Variants in PARM1 observed in about 807,000 individuals in gnomAD.
PARM1 encodes prostate androgen-regulated mucin-like protein 1.
Under a neutral mutation model 24.6 loss-of-function variants are expected in PARM1, and 14 were observed. That is an observed-to-expected ratio of 0.57 (90% CI 0.38 to 0.89). The LOEUF (loss-of-function observed/expected upper bound fraction) is 0.89, where lower values mean the gene tolerates loss of function less well. Among genes scored for constraint, PARM1 ranks in the 40% least tolerant of loss-of-function variants. PARM1 has a pLI of 0.00. For missense variants in PARM1, 362 were observed against 380.4 expected (o/e 0.95, Z 0.40); for synonymous variants, 179 against 156.6 (o/e 1.14, Z -1.07).
chr4:74,942,256 CAT>C, intron 1 of PARM1, among the ~76,000 whole-genome samples: 1 of 152,302 alleles, frequency 6.6e-6, no homozygotes, highest in East Asian at 1.9e-4. Flanking sequence ...GAGCAAGAAA[CAT>C]AGTGTGTGCT....
chr4:74,979,308 A>C (rs1722201378), intron 1 of PARM1, among the ~76,000 whole-genome samples: 1 of 151,916 alleles, frequency 6.6e-6, no homozygotes, highest in African/African-American at 2.4e-5. Context: ...ACAGAAATAC[A>C]ACCATCAGAG....
chr4:75,009,388 C>G (rs1280420659), intron 1 of PARM1, among the ~76,000 whole-genome samples: 1 of 152,232 alleles, frequency 6.6e-6, no homozygotes, highest in Non-Finnish European at 1.5e-5. Context: ...GGTCTTTTCT[C>G]CCTTCCTCTG....
chr4:75,013,282 A>C, intron 2 of PARM1, 132 bp downstream of exon 2: 1 of 984,548 alleles, frequency 1.0e-6, no homozygotes, highest in Non-Finnish European at 1.5e-6. Flanking sequence ...ATTCACAAGA[A>C]TTTCCACGAG....
rs150839589 is a variant in PARM1, at chr4:75,034,022, G to A, written c.848+61G>A. 1.4e-3 allele frequency: 1,804 copies of A among 1,293,022 alleles called. 17 individuals are homozygous for A. The African/African-American group carries it at 0.024, about 17-fold the overall frequency. 80.1% of individuals were successfully genotyped at this position (1,293,022 alleles called of 1,614,324 possible). On this transcript the variant is annotated intron_variant, in intron 3 of 3. Transcript: ENST00000307428. Reference sequence around the variant, plus strand: ...TGTTTTGTTGGGCTCTGGGCTGAGCGCTGTTTTGCTGGATACTTGTTCCTT... The same window carrying A: ...TGTTTTGTTGGGCTCTGGGCTGAGCACTGTTTTGCTGGATACTTGTTCCTT...
At position 75,001,698 on chromosome 4, in the gene PARM1, G is replaced by A. The variant is rs140954932; in HGVS notation, c.44-10727G>A. 3.3e-3 allele frequency among the ~76,000 whole-genome samples: 508 copies of A among 152,264 alleles called. 6 individuals are homozygous for A. The highest frequency in any genetic ancestry group is 0.011 in the African/African-American group (473 of 41,542). ...CCATTCATGCTGACTGGCATCTTCGGTGAAAACCCTTAGAAGAAAATGGTG... is the reference window on the plus strand; with the variant it reads ...CCATTCATGCTGACTGGCATCTTCGATGAAAACCCTTAGAAGAAAATGGTG... On this transcript the variant is annotated intron_variant, in intron 1 of 3. Transcript: ENST00000307428.
At chr4:75,009,650 A>G (rs1259606776) in intron 1 of PARM1, among the ~76,000 whole-genome samples, 3 of 152,220 alleles carry the variant, frequency 2.0e-5, no homozygotes, top group Admixed American at 2.0e-4. Context: ...ATGTGGCCAT[A>G]ACTAAAGTGA....
At chr4:74,940,625 C>G (rs1296612555) in intron 1 of PARM1, among the ~76,000 whole-genome samples, 1 of 152,140 alleles carries the variant, frequency 6.6e-6, no homozygotes, top group Non-Finnish European at 1.5e-5. Flanking sequence ...GAATTTTTTT[C>G]AGAATGCAAA....
intron 1 of PARM1, among the ~76,000 whole-genome samples, chr4:74,951,006 A>G (rs1721511907): frequency 1.3e-5 from 2 of 152,218 alleles, no homozygotes; most frequent in Non-Finnish European, 2.9e-5. Context: ...TTTCCAAACC[A>G]TCTGACTCTT....
intron 2 of PARM1, among the ~76,000 whole-genome samples, chr4:75,020,160 G>A (rs571630895): frequency 3.3e-5 from 5 of 152,154 alleles, no homozygotes; most frequent in African/African-American, 9.6e-5. Context: ...ACATAGGTGT[G>A]AGAAGACCAT....
intron 2 of PARM1, among the ~76,000 whole-genome samples, chr4:75,015,571 G>C (rs979489424): frequency 1.4e-4 from 21 of 152,174 alleles, no homozygotes; most frequent in South Asian, 8.3e-4. Context: ...CCTATCCTTT[G>C]AGATTTTATA....
rs940681553 is a variant in PARM1, at chr4:75,035,239, G to A, written c.848+1278G>A. Among the ~76,000 whole-genome samples the A allele has an allele frequency of 1.3e-5, 2 of 152,016 alleles. 1 individual carries two copies. The highest frequency in any genetic ancestry group is 4.8e-5 in the African/African-American group (2 of 41,374). On this transcript the variant is annotated intron_variant, in intron 3 of 3. Transcript: ENST00000307428. ...CCACTGTCTATTATTTTATTTTATT[G>A]CTATCATTTTGTTTTTGTATATGTG...
At chr4:74,962,540 C>T (rs1721798180) in intron 1 of PARM1, among the ~76,000 whole-genome samples, 1 of 152,100 alleles carries the variant, frequency 6.6e-6, no homozygotes, top group African/African-American at 2.4e-5. Flanking sequence ...TGTGATCCAC[C>T]TATATACTAT....
intron 2 of PARM1, among the ~76,000 whole-genome samples, chr4:75,022,410 CT>C (rs1207234095): frequency 6.6e-6 from 1 of 152,126 alleles, no homozygotes; most frequent in African/African-American, 2.4e-5. Flanking sequence ...TCTTAATCTG[CT>C]TTTGAAATGT....
At chr4:74,997,237 T>G (rs1722591162) in intron 1 of PARM1, among the ~76,000 whole-genome samples, 1 of 152,168 alleles carries the variant, frequency 6.6e-6, no homozygotes, top group African/African-American at 2.4e-5. Context: ...CCAAGGGACA[T>G]GTTGGCATCT....
intron 2 of PARM1, among the ~76,000 whole-genome samples, chr4:75,016,650 C>T (rs1417309918): frequency 6.6e-6 from 1 of 152,112 alleles, no homozygotes; most frequent in East Asian, 1.9e-4. Context: ...CTGCCCTCAT[C>T]GTTAAAGCAC....
intron 1 of PARM1, among the ~76,000 whole-genome samples, chr4:74,941,008 G>A (rs1053998103): frequency 3.9e-5 from 6 of 152,168 alleles, no homozygotes; most frequent in Admixed American, 6.5e-5. Context: ...AAATCTGGTG[G>A]ATTGAAGATG....
Position 74,970,761 on chromosome 4 carries a change from A to G in PARM1, c.43+37391A>G, listed in dbSNP as rs531519825. Among the ~76,000 whole-genome samples, 4 of 152,296 alleles carry G rather than the reference A, an allele frequency of 2.6e-5. No homozygotes were observed. The South Asian group carries it at 8.3e-4, about 32-fold the overall frequency. ...GCAATTTAATTTTTATGTTATCATA[A>G]GCTAAACCTAATCAGGAGGCAAATG... is the stretch of plus-strand genomic sequence containing the variant. On this transcript the variant is annotated intron_variant, in intron 1 of 3. Coordinates refer to ENST00000307428, the MANE Select transcript of PARM1 (RefSeq NM_015393.4).
chr4:75,010,048 T>C (rs935779778), intron 1 of PARM1, among the ~76,000 whole-genome samples: 1 of 152,172 alleles, frequency 6.6e-6, no homozygotes, highest in Non-Finnish European at 1.5e-5. Flanking sequence ...CAGATATTTG[T>C]TCACCCACGT....
intron 1 of PARM1, among the ~76,000 whole-genome samples, chr4:74,992,339 A>C (rs1037079711): frequency 3.9e-5 from 6 of 152,184 alleles, no homozygotes; most frequent in Admixed American, 2.6e-4. Context: ...AAATAAACAA[A>C]ATAACAGAGC....
Sources: allele counts gnomAD v4.1 joint callset (sites outside exome capture counted in the v4.1 genomes callset), GRCh38; gene constraint gnomAD v4.1.1; transcripts MANE v1.5; gene names NCBI Gene and HGNC (gene_info 2026-07-23, HGNC 2026-07-21).